The following LOC128092252 variants were observed in gnomAD, a reference collection of about 807,000 sequenced individuals.
the LOC128092252 span, among the ~76,000 whole-genome samples, chr15:50,650,602 G>C: frequency 6.6e-6 from 1 of 152,244 alleles, no homozygotes; most frequent in African/African-American, 2.4e-5. Flanking sequence ...GGCTGAGGCA[G>C]GAGAATCGCT....
At chr15:50,686,153 G>A in the LOC128092252 span, among the ~76,000 whole-genome samples, 2 of 152,334 alleles carry the variant, frequency 1.3e-5, no homozygotes, top group South Asian at 2.1e-4. Context: ...CTGGCGCCAG[G>A]AGGACCGTGC....
the LOC128092252 span, among the ~76,000 whole-genome samples, chr15:50,682,500 CAGG>C: frequency 6.6e-6 from 1 of 150,948 alleles, no homozygotes; most frequent in South Asian, 2.1e-4. Flanking sequence ...CACTTGAATC[CAGG>C]AGGCGGAGGT....
chr15:50,679,534 A>ATT, the LOC128092252 span, among the ~76,000 whole-genome samples: 1 of 57,668 alleles, frequency 1.7e-5, no homozygotes, highest in African/African-American at 1.1e-4. Context: ...ATATATATAT[A>ATT]TATATTTTTT....
At chr15:50,676,930 G>C in the LOC128092252 span, among the ~76,000 whole-genome samples, 1 of 152,160 alleles carries the variant, frequency 6.6e-6, no homozygotes. Context: ...GCAGCCTCCA[G>C]GCAGCCCAGC....
chr15:50,666,810 A>G, the LOC128092252 span, among the ~76,000 whole-genome samples: 1 of 152,172 alleles, frequency 6.6e-6, no homozygotes, highest in African/African-American at 2.4e-5. Flanking sequence ...TCCAAAAAAA[A>G]AGAAGAGGCG....
At chr15:50,663,086 C>T in the LOC128092252 span, 1 of 1,465,600 alleles carries the variant, frequency 6.8e-7, no homozygotes, top group Non-Finnish European at 9.5e-7. Flanking sequence ...ATAAGTTAAC[C>T]CACTAAATAA....
the LOC128092252 span, among the ~76,000 whole-genome samples, chr15:50,671,949 A>G: frequency 6.6e-6 from 1 of 151,904 alleles, no homozygotes; most frequent in Non-Finnish European, 1.5e-5. Flanking sequence ...AACTATGTAC[A>G]GTACATAATA....
chr15:50,658,393 C>T, the LOC128092252 span, among the ~76,000 whole-genome samples: 49,730 of 150,910 alleles, frequency 0.33, 9,990 homozygotes, highest in Admixed American at 0.47. Context: ...GGCAACAAAG[C>T]GAAACTCCGT....
chr15:50,659,760 T>G, the LOC128092252 span, among the ~76,000 whole-genome samples: 1 of 152,062 alleles, frequency 6.6e-6, no homozygotes, highest in Admixed American at 6.6e-5. Flanking sequence ...CTCCGTCTCC[T>G]GGATTCAAGC....
chr15:50,648,805 C>A, the LOC128092252 span: 2 of 1,613,258 alleles, frequency 1.2e-6, no homozygotes, highest in East Asian at 4.5e-5. Flanking sequence ...AAAATGGTCA[C>A]CCAATTTCAC....
At chr15:50,684,564 C>T in the LOC128092252 span, among the ~76,000 whole-genome samples, 1 of 151,880 alleles carries the variant, frequency 6.6e-6, no homozygotes, top group Non-Finnish European at 1.5e-5. Flanking sequence ...TCACTTGAAC[C>T]CAGGAGGCGG....
the LOC128092252 span, chr15:50,657,841 A>C: frequency 6.2e-7 from 1 of 1,601,824 alleles, no homozygotes; most frequent in Non-Finnish European, 8.5e-7. Flanking sequence ...AAAAAGGTAA[A>C]TAAATTATTT....
At chr15:50,664,570 G>C in the LOC128092252 span, among the ~76,000 whole-genome samples, 1 of 152,076 alleles carries the variant, frequency 6.6e-6, no homozygotes, top group Non-Finnish European at 1.5e-5. Flanking sequence ...CCAAATAAAA[G>C]TTTCAAAATA....
chr15:50,657,764 A>T, the LOC128092252 span: 54 of 1,610,122 alleles, frequency 3.4e-5, no homozygotes, highest in Non-Finnish European at 4.5e-5. Context: ...TGTGCGGTAT[A>T]GTTATGTTAA....
the LOC128092252 span, among the ~76,000 whole-genome samples, chr15:50,677,474 C>T: frequency 4.6e-5 from 7 of 152,058 alleles, no homozygotes; most frequent in African/African-American, 1.7e-4. Context: ...GGCGTGGTGG[C>T]TCACACCTAT....
the LOC128092252 span, chr15:50,648,949 T>G: frequency 2.3e-6 from 3 of 1,303,640 alleles, no homozygotes; most frequent in Non-Finnish European, 3.1e-6. Flanking sequence ...AAAATGGAAT[T>G]AAAAGTGAAT....
the LOC128092252 span, among the ~76,000 whole-genome samples, chr15:50,668,226 C>A: frequency 6.6e-6 from 1 of 152,186 alleles, no homozygotes; most frequent in Non-Finnish European, 1.5e-5. Context: ...AAAAAACATT[C>A]AGGACTGTCA....
the LOC128092252 span, among the ~76,000 whole-genome samples, chr15:50,684,648 A>C: frequency 3.9e-5 from 6 of 152,232 alleles, no homozygotes; most frequent in East Asian, 1.2e-3. Flanking sequence ...TCAAACAAAA[A>C]GAAAAAAGAA....
At chr15:50,652,259 G>A in the LOC128092252 span, among the ~76,000 whole-genome samples, 7 of 145,572 alleles carry the variant, frequency 4.8e-5, no homozygotes, top group African/African-American at 1.8e-4. Context: ...CTTGAACCTG[G>A]GAGGCGGAGA....
Sources: allele counts gnomAD v4.1 joint callset (sites outside exome capture counted in the v4.1 genomes callset), GRCh38; gene constraint gnomAD v4.1.1; transcripts MANE v1.5.